The following CNTN4 variants were observed in gnomAD, a reference collection of about 807,000 sequenced individuals.
CNTN4 encodes contactin 4, also known as contactin-4.
Under a neutral mutation model 122.5 loss-of-function variants are expected in CNTN4, and 77 were observed. That is an observed-to-expected ratio of 0.63 (90% confidence interval 0.52 to 0.76). CNTN4 has a LOEUF of 0.76. Ranked by LOEUF, CNTN4 falls within the 30% of genes least tolerant of loss-of-function variation. CNTN4 has a pLI of 0.00. For synonymous variants in CNTN4, 512 were observed against 447.0 expected, an observed-to-expected ratio of 1.15 and a Z score of -1.83; for missense variants, 1,256 against 1,259.1, an observed-to-expected ratio of 1.00 and a Z score of 0.04.
At chr3:2,437,850 A>G (rs1012361237) in intron 3 of CNTN4, among the ~76,000 whole-genome samples, 3 of 152,208 alleles carry the variant, frequency 2.0e-5, no homozygotes, top group African/African-American at 7.2e-5. Flanking sequence ...GAGTTCGTGT[A>G]GATGTCTGGG....
chr3:2,184,790 C>A (rs1407476781), intron 2 of CNTN4, among the ~76,000 whole-genome samples: 1 of 152,072 alleles, frequency 6.6e-6, no homozygotes, highest in Non-Finnish European at 1.5e-5. Context: ...CCTGCTGGCA[C>A]CTTGGTCTTG....
intron 3 of CNTN4, among the ~76,000 whole-genome samples, chr3:2,550,029 C>T (rs879925677): frequency 6.6e-5 from 10 of 151,948 alleles, no homozygotes; most frequent in East Asian, 1.9e-4. Flanking sequence ...TATATTTCTG[C>T]GGTGTCAGTG....
At chr3:2,418,243 G>C (rs1444644663) in intron 3 of CNTN4, among the ~76,000 whole-genome samples, 2 of 152,096 alleles carry the variant, frequency 1.3e-5, no homozygotes, top group South Asian at 2.1e-4. Context: ...AGGAGGGCAG[G>C]CATATATGGA....
chr3:2,289,623 A>C (rs2042060633), intron 2 of CNTN4, among the ~76,000 whole-genome samples: 1 of 152,166 alleles, frequency 6.6e-6, no homozygotes, highest in Non-Finnish European at 1.5e-5. Flanking sequence ...TGTCCCTTCA[A>C]ATCAACTTGG....
chr3:2,432,799 C>G (rs1463943045), intron 3 of CNTN4, among the ~76,000 whole-genome samples: 1 of 143,444 alleles, frequency 7.0e-6, no homozygotes, highest in Non-Finnish European at 1.5e-5. Context: ...GCAGATATGT[C>G]TGGCACACTA....
intron 2 of CNTN4, among the ~76,000 whole-genome samples, chr3:2,263,511 G>C (rs1294864110): frequency 6.6e-6 from 1 of 151,818 alleles, no homozygotes; most frequent in Non-Finnish European, 1.5e-5. Context: ...ATATATAATA[G>C]TTTTACATAT....
At chr3:2,937,233 G>C (rs566050274) in intron 13 of CNTN4, among the ~76,000 whole-genome samples, 97 of 152,292 alleles carry the variant, frequency 6.4e-4, no homozygotes, top group Non-Finnish European at 1.2e-3. Context: ...AAGGGGAAGT[G>C]AATTTGGTGG....
At chr3:2,442,785 A>G (rs986518442) in intron 3 of CNTN4, among the ~76,000 whole-genome samples, 1 of 152,206 alleles carries the variant, frequency 6.6e-6, no homozygotes, top group Non-Finnish European at 1.5e-5. Context: ...GCTTACTTCT[A>G]AATGTGAATC....
At chr3:2,142,363 T>C (rs1250217107) in intron 2 of CNTN4, among the ~76,000 whole-genome samples, 5 of 152,140 alleles carry the variant, frequency 3.3e-5, no homozygotes, top group Non-Finnish European at 7.4e-5. Context: ...TTTCCTTTTT[T>C]TTTCTTTCTT....
At chr3:2,429,378 C>T (rs1400408545) in intron 3 of CNTN4, among the ~76,000 whole-genome samples, 1 of 152,212 alleles carries the variant, frequency 6.6e-6, no homozygotes, top group Non-Finnish European at 1.5e-5. Context: ...GTGTCAGCAG[C>T]AGAGGCTGCG....
chr3:2,470,091 G>A (rs35864306), intron 3 of CNTN4, among the ~76,000 whole-genome samples: 43,754 of 150,986 alleles, frequency 0.29, 6,359 homozygotes, highest in Middle Eastern at 0.35. Flanking sequence ...TTGGAGACAG[G>A]GTCTCGCTCT....
intron 2 of CNTN4, among the ~76,000 whole-genome samples, chr3:2,134,761 CAG>C (rs1311940049): frequency 6.6e-6 from 1 of 152,176 alleles, no homozygotes; most frequent in African/African-American, 2.4e-5. Flanking sequence ...TCCAGAGAAA[CAG>C]AACATATATG....
chr3:2,803,642 A>G (rs1306658716), intron 6 of CNTN4, among the ~76,000 whole-genome samples: 1 of 150,904 alleles, frequency 6.6e-6, no homozygotes, highest in Non-Finnish European at 1.5e-5. Flanking sequence ...TCACTGCAAC[A>G]TCCGCCTCCT....
intron 4 of CNTN4, among the ~76,000 whole-genome samples, chr3:2,676,686 T>G (rs1027094842): frequency 2.6e-5 from 4 of 152,222 alleles, no homozygotes; most frequent in Admixed American, 2.6e-4. Context: ...GGGAATTTTT[T>G]CAGTGTTGTT....
chr3:2,402,550 A>G (rs1317806661), intron 3 of CNTN4, among the ~76,000 whole-genome samples: 3 of 152,098 alleles, frequency 2.0e-5, no homozygotes, highest in Non-Finnish European at 2.9e-5. Flanking sequence ...ATTTATCTGT[A>G]TTAGGAACAT....
chr3:2,581,858 T>A (rs1256720657), intron 4 of CNTN4, among the ~76,000 whole-genome samples: 1 of 152,190 alleles, frequency 6.6e-6, no homozygotes, highest in Non-Finnish European at 1.5e-5. Flanking sequence ...ATGGACAAAC[T>A]TTGAAGATAC....
chr3:2,202,845 A>G (rs1223363044), intron 2 of CNTN4, among the ~76,000 whole-genome samples: 2 of 151,416 alleles, frequency 1.3e-5, no homozygotes, highest in Admixed American at 6.6e-5. Context: ...TCTTTTTGAG[A>G]TGGTGTCTTA....
intron 4 of CNTN4, among the ~76,000 whole-genome samples, chr3:2,627,650 C>T (rs188316278): frequency 5.5e-4 from 84 of 151,996 alleles, no homozygotes; most frequent in Admixed American, 2.5e-3. Context: ...CCCGCCACCA[C>T]GCCTGGCTAA....
At chr3:2,793,931 C>A (rs1479217521) in intron 6 of CNTN4, among the ~76,000 whole-genome samples, 2 of 151,980 alleles carry the variant, frequency 1.3e-5, no homozygotes, top group Admixed American at 6.6e-5. Context: ...AGAAAAATGA[C>A]CAACTACTGC....
Sources: gnomAD v4.1 joint callset for allele counts (sites outside exome capture counted in the v4.1 genomes callset) on GRCh38, gnomAD v4.1.1 for gene constraint, MANE v1.5 for transcripts, NCBI Gene and HGNC (gene_info 2026-07-23, HGNC 2026-07-21) for gene names.